Variants in STK40 observed in about 807,000 individuals in gnomAD.
STK40 encodes the protein serine/threonine kinase 40.
A neutral mutation model predicts 47.9 loss-of-function variants in STK40; 13 were observed. That is an observed-to-expected ratio of 0.27 (90% CI 0.18 to 0.43). The LOEUF (loss-of-function observed/expected upper bound fraction) is 0.43. Among genes scored for constraint, STK40 ranks in the 20% least tolerant of loss-of-function variants. The pLI, the probability that STK40 is intolerant of heterozygous loss-of-function variation, is 1.00. For synonymous variants in STK40, 225 were observed against 243.2 expected (o/e 0.93, Z 0.69); for missense variants, 460 against 595.1 (o/e 0.77, Z 2.36).
intron 1 of STK40, among the ~76,000 whole-genome samples, chr1:36,378,755 C>T (rs1045072901): frequency 1.3e-5 from 2 of 152,204 alleles, no homozygotes; most frequent in African/African-American, 4.8e-5. Flanking sequence ...CCGTGCCAGC[C>T]GGGCCTCCTT....
chr1:36,341,637 G>T lies in STK40; in HGVS notation c.*118C>A. The T allele has an allele frequency of 7.8e-7, 1 of 1,284,074 alleles. No homozygotes were observed. The allele number at this position is 1,284,074 out of a possible 1,614,324, so 79.5% of individuals were successfully genotyped here. ...TGTGACCTGGGCTGTCCCTGTCCCT[G>T]CCCTGTCCCTATTGTGGCCCGGGAG... On this transcript the variant is annotated 3_prime_UTR_variant, in exon 11 of 11. Coordinates refer to ENST00000373132, the MANE Select transcript of STK40 (RefSeq NM_001282547.2).
chr1:36,358,593 G>T, intron 3 of STK40, 144 bp downstream of exon 3: 1 of 1,097,582 alleles, frequency 9.1e-7, no homozygotes. Context: ...TGTTCTGAGG[G>T]AGACTGTGAA....
chr1:36,379,371 A>C (rs1009346355), intron 1 of STK40, among the ~76,000 whole-genome samples: 1 of 150,694 alleles, frequency 6.6e-6, no homozygotes, highest in Non-Finnish European at 1.5e-5. Flanking sequence ...TGGCCAGGAG[A>C]GAATGAACAC....
At chr1:36,368,770 GATTGGAC>G (rs1174804537) in intron 1 of STK40, among the ~76,000 whole-genome samples, 4 of 152,204 alleles carry the variant, frequency 2.6e-5, no homozygotes, top group Non-Finnish European at 5.9e-5. Context: ...TAAAAGACAT[GATTGGAC>G]AACTGGTAAA....
rs1405114997 is a variant in STK40, at chr1:36,344,169, G to C, written c.835C>G (p.Pro279Ala). 1 of 1,613,174 alleles carries C rather than the reference G, an allele frequency of 6.2e-7. No individual in the cohort carries two copies. Among genetic ancestry groups the C allele is most frequent in the Admixed American group, 1.7e-5 (1 of 59,912 alleles). The change falls in exon 8 of 11, where the codon CCG (proline) becomes GCG (alanine). Residue 279 changes from proline (P) to alanine (A), a missense_variant. Pro to Ala is a conservative substitution (Grantham distance 27, BLOSUM62 -1). This residue lies in a region of STK40 where 2 missense variants were observed against 17.6 expected (regional missense o/e 0.11). Coordinates refer to ENST00000373132, the MANE Select transcript of STK40 (RefSeq NM_001282547.2). ...TTGATCTTGCGGAAGAGCTCCTGCG[G>C]GATGCTGTCGTAGAAGGGGAACTGG... ...YGQFPFYDSI[P>A]QELFRKIKAA...
At chr1:36,347,012 C>T (rs1174225182) in intron 7 of STK40, among the ~76,000 whole-genome samples, 2 of 152,180 alleles carry the variant, frequency 1.3e-5, no homozygotes, top group Admixed American at 6.5e-5. Context: ...GCACCCAGTT[C>T]CCTCTAGCAG....
chr1:36,366,149 C>G (rs989523136), intron 1 of STK40: 1 of 152,226 alleles, frequency 6.6e-6, no homozygotes, highest in Admixed American at 6.5e-5. Flanking sequence ...CATGGAGGCG[C>G]GTAACATCTG....
Position 36,371,793 on chromosome 1 carries a change from C to G in STK40, c.-8-10453G>C, listed in dbSNP as rs185330648. On this transcript the variant is annotated intron_variant, in intron 1 of 10. Coordinates refer to ENST00000373132, the MANE Select transcript of STK40 (RefSeq NM_001282547.2). ...GGCAAATCACCTGAGGTCAGGAGTT[C>G]GAGACCAGCCTGGCCAACATGGTGA... is the stretch of plus-strand genomic sequence containing the variant. 6.8e-3 allele frequency among the ~76,000 whole-genome samples: 1,019 copies of G among 150,192 alleles called. 20 individuals carry two copies. Among genetic ancestry groups the G allele is most frequent in the Admixed American group, 0.011 (162 of 14,934 alleles).
Position 36,343,970 on chromosome 1 carries a change from C to G in STK40, c.894G>C (p.Arg298=). The change falls in exon 9 of 11, where the codon CGG becomes CGC. Residue 298 remains arginine (R), a synonymous_variant. Transcript: ENST00000373132. The part of the protein sequence containing the change: ...AAEYTIPEDG[R]VSENTVCLIR... ...TGAGACACACGGTGTTCTCAGAAAC[C>G]CGTCCATCCCTGAGGCAGGGAGTTG... 6.2e-7 allele frequency: 1 copy of G among 1,602,732 alleles called. No homozygotes were observed. Among genetic ancestry groups the G allele is most frequent in the Non-Finnish European group, 8.5e-7 (1 of 1,171,822 alleles).
chr1:36,382,608 G>T (rs572349253), intron 1 of STK40, among the ~76,000 whole-genome samples: 2 of 152,276 alleles, frequency 1.3e-5, no homozygotes, highest in African/African-American at 4.8e-5. Context: ...ACTCCCCTTA[G>T]ATTTTCTTTT....
intron 7 of STK40, among the ~76,000 whole-genome samples, chr1:36,346,505 C>G (rs770892631): frequency 3.4e-4 from 52 of 152,352 alleles, no homozygotes; most frequent in Non-Finnish European, 5.4e-4. Context: ...AATGAAAGGG[C>G]AGACCTGGGT....
At chr1:36,363,725 G>A (rs1481811078) in intron 1 of STK40, among the ~76,000 whole-genome samples, 2 of 150,020 alleles carry the variant, frequency 1.3e-5, no homozygotes, top group African/African-American at 4.9e-5. Flanking sequence ...TGAGGCAGGA[G>A]AATAGTGTGA....
chr1:36,369,818 G>A (rs985977318), intron 1 of STK40, among the ~76,000 whole-genome samples: 3 of 152,342 alleles, frequency 2.0e-5, no homozygotes, highest in East Asian at 3.9e-4. Flanking sequence ...ACTGCCTGGC[G>A]CAAAGCTGGA....
In STK40 at chr1:36,341,657, C is replaced by G. The variant is rs1008233158; in HGVS notation, c.*98G>C. On this transcript the variant is annotated 3_prime_UTR_variant, in exon 11 of 11. Coordinates refer to ENST00000373132, the MANE Select transcript of STK40 (RefSeq NM_001282547.2). ...TCCCTGCCCTGTCCCTATTGTGGCC[C>G]GGGAGAGTCCAGCACTACAGGGCCC... 9.6e-6 allele frequency: 14 copies of G among 1,452,244 alleles called. No homozygotes were observed. The highest frequency in any genetic ancestry group is 1.3e-5 in the Non-Finnish European group (14 of 1,060,314). 90.0% of individuals were successfully genotyped at this position (1,452,244 alleles called of 1,614,324 possible). A position where few individuals can be genotyped will look rare whatever the true frequency, so the allele number is the denominator to read the frequency against.
At chr1:36,353,080 T>C (rs1262139001) in intron 6 of STK40, among the ~76,000 whole-genome samples, 3 of 152,232 alleles carry the variant, frequency 2.0e-5, no homozygotes, top group African/African-American at 7.2e-5. Context: ...TTGGCCTCTT[T>C]AGAGGACAGT....
chr1:36,341,811 G>A lies in STK40; in HGVS notation c.1252C>T (p.Gln418Ter). The A allele has an allele frequency of 1.2e-6, 2 of 1,613,246 alleles. No individual in the cohort carries two copies. Among genetic ancestry groups the A allele is most frequent in the Non-Finnish European group, 1.7e-6 (2 of 1,179,960 alleles). ...GCCGTGTCCAAGGAGGTCATGGGCT[G>A]TGCGTCGTGGCCCAGCCGTCGCACC... Reference protein sequence around the residue: ...PPVRRLGHDAQPMTSLDTAIL... With the variant: ...PPVRRLGHDA Residue 418 changes from glutamine to a stop codon, truncating the protein, a stop_gained, in exon 11 of 11, where the codon CAG (glutamine) becomes TAG (stop). Transcript: ENST00000373132. LOFTEE classifies it high-confidence loss of function.
rs1369810233 is a variant in STK40, at chr1:36,358,727, T to C, written c.198+10A>G. ...TTCCTGAGGCACCCTCACCCCCATG[T>C]CTCACTTACCTTCAGCTGATAGAAG... On this transcript the variant is annotated intron_variant, in intron 3 of 10. Coordinates refer to ENST00000373132, the MANE Select transcript of STK40 (RefSeq NM_001282547.2). 3 of 1,613,774 alleles carry C rather than the reference T, an allele frequency of 1.9e-6. No individual in the cohort carries two copies. The highest frequency in any genetic ancestry group is 2.5e-6 in the Non-Finnish European group (3 of 1,179,850).
At position 36,373,397 on chromosome 1, in the gene STK40, T is replaced by C. The variant is rs78174349; in HGVS notation, c.-8-12057A>G. On this transcript the variant is annotated intron_variant, in intron 1 of 10. Coordinates refer to ENST00000373132, the MANE Select transcript of STK40 (RefSeq NM_001282547.2). ...CTCTTTAACTCGCACCACTTTCTGATGTGGATTCTCCCCTTCTATTATTGA... is the reference window on the plus strand; with the variant it reads ...CTCTTTAACTCGCACCACTTTCTGACGTGGATTCTCCCCTTCTATTATTGA... Among the ~76,000 whole-genome samples, 276 of 152,346 alleles carry C rather than the reference T, an allele frequency of 1.8e-3. 1 individual carries two copies. Among genetic ancestry groups the C allele is most frequent in the African/African-American group, 6.4e-3 (266 of 41,588 alleles).
chr1:36,345,971 A>G (rs1646695870), intron 7 of STK40, among the ~76,000 whole-genome samples: 1 of 15,230 alleles, frequency 6.6e-5, no homozygotes, highest in East Asian at 1.7e-3. Context: ...GGCATTACAT[A>G]TATATATATA....
Sources: allele counts gnomAD v4.1 joint callset (sites outside exome capture counted in the v4.1 genomes callset), GRCh38; gene constraint gnomAD v4.1.1; regional missense constraint gnomAD v4.1.1; transcripts MANE v1.5; gene names NCBI Gene and HGNC (gene_info 2026-07-23, HGNC 2026-07-21).